Variants in SNX13 observed in about 807,000 individuals in gnomAD.
The protein encoded by SNX13 is sorting nexin 13.
A neutral mutation model predicts 133.6 loss-of-function variants in SNX13; 45 were observed. The observed-to-expected ratio is 0.34, with a 90% CI of 0.27 to 0.43. SNX13 has a LOEUF of 0.43. SNX13 is among the 20% of genes least tolerant of loss of function. SNX13 has a pLI of 1.00. For missense variants in SNX13, 1,032 were observed against 1,145.1 expected (o/e 0.90, Z 1.43); for synonymous variants, 414 against 373.9 (o/e 1.11, Z -1.24).
chr7:17,920,476 C>G (rs1036533300), intron 1 of SNX13, among the ~76,000 whole-genome samples: 3 of 151,988 alleles, frequency 2.0e-5, no homozygotes, highest in African/African-American at 7.3e-5. Context: ...TAAAAGCTTT[C>G]TTTAATTGTA....
Position 17,839,909 on chromosome 7 carries a change from A to G in SNX13, c.1257T>C (p.Val419=), listed in dbSNP as rs371256565. ...TTCCATCTCTCTGACGACTTAATAAAACTTCTAGCTGCTGTTGGGCGGTAA... is the reference window on the plus strand; with the variant it reads ...TTCCATCTCTCTGACGACTTAATAAGACTTCTAGCTGCTGTTGGGCGGTAA... ...YRVTAQQQLE[V]LLSRQRDGKH... Residue 419 remains valine (V), a synonymous_variant, in exon 13 of 26, where the codon GTT becomes GTC. Coordinates refer to ENST00000428135, the MANE Select transcript of SNX13 (RefSeq NM_015132.5). 6.3e-5 allele frequency: 101 copies of G among 1,611,964 alleles called. No individual in the cohort carries two copies. Among genetic ancestry groups the G allele is most frequent in the Non-Finnish European group, 8.3e-5 (98 of 1,178,736 alleles).
At chr7:17,883,400 G>A (rs1190537817) in intron 5 of SNX13, among the ~76,000 whole-genome samples, 1 of 152,130 alleles carries the variant, frequency 6.6e-6, no homozygotes, top group African/African-American at 2.4e-5. Context: ...TTAAACTCAT[G>A]ATGTTAACTA....
chr7:17,848,247 C>T (rs1424888487), intron 11 of SNX13, among the ~76,000 whole-genome samples: 1 of 152,178 alleles, frequency 6.6e-6, no homozygotes, highest in African/African-American at 2.4e-5. Context: ...GGAAGATTAC[C>T]TACCCGCCCC....
intron 1 of SNX13, among the ~76,000 whole-genome samples, chr7:17,903,685 T>C (rs1344106526): frequency 6.6e-6 from 1 of 152,226 alleles, no homozygotes; most frequent in African/African-American, 2.4e-5. Context: ...CAGGGTAAGA[T>C]CTGATACTAA....
intron 20 of SNX13, among the ~76,000 whole-genome samples, chr7:17,806,038 G>T (rs565162868): frequency 2.0e-5 from 3 of 152,316 alleles, no homozygotes; most frequent in Non-Finnish European, 4.4e-5. Context: ...ACTTTCAGAT[G>T]ATCATGCACA....
chr7:17,818,717 A>C (rs1179496662), intron 18 of SNX13, among the ~76,000 whole-genome samples: 1 of 152,208 alleles, frequency 6.6e-6, no homozygotes, highest in Non-Finnish European at 1.5e-5. Context: ...TAATTCAAAT[A>C]CTACACATAA....
At chr7:17,824,377 A>G (rs1029349517) in intron 17 of SNX13, among the ~76,000 whole-genome samples, 2 of 152,188 alleles carry the variant, frequency 1.3e-5, no homozygotes, top group African/African-American at 4.8e-5. Context: ...ACTTTCTGAA[A>G]TAAAGATGCT....
chr7:17,859,217 G>A (rs1194232750), intron 9 of SNX13, among the ~76,000 whole-genome samples: 1 of 151,886 alleles, frequency 6.6e-6, no homozygotes, highest in African/African-American at 2.4e-5. Context: ...CTTCTATGTA[G>A]AATATACGAA....
chr7:17,927,231 G>GTA (rs915143471), intron 1 of SNX13, among the ~76,000 whole-genome samples: 323 of 148,712 alleles, frequency 2.2e-3, no homozygotes, highest in African/African-American at 5.2e-3. Context: ...GTGCATGTGT[G>GTA]TATATATATA....
At chr7:17,882,782 A>C (rs1288518455) in intron 5 of SNX13, 1 of 1,205,940 alleles carries the variant, frequency 8.3e-7, no homozygotes, top group African/African-American at 1.6e-5. Context: ...TCAAATCACT[A>C]CCACAATTCC....
chr7:17,796,490 C>A (rs1351232234), intron 25 of SNX13: 4 of 185,914 alleles, frequency 2.2e-5, no homozygotes, highest in Non-Finnish European at 4.5e-5. Context: ...GGCAGCAGAG[C>A]GAAGTGGCTA....
chr7:17,883,636 C>A (rs1455645931), intron 5 of SNX13, among the ~76,000 whole-genome samples: 3 of 152,036 alleles, frequency 2.0e-5, no homozygotes, highest in Non-Finnish European at 2.9e-5. Context: ...CAGGTATACA[C>A]GTGCCATGGT....
intron 9 of SNX13, among the ~76,000 whole-genome samples, chr7:17,866,926 G>C (rs2128343118): frequency 6.6e-6 from 1 of 152,186 alleles, no homozygotes; most frequent in South Asian, 2.1e-4. Context: ...ATCCTGATTT[G>C]AACATTATAC....
At chr7:17,831,424 A>T in intron 15 of SNX13, 1 of 890,768 alleles carries the variant, frequency 1.1e-6, no homozygotes, top group Non-Finnish European at 1.3e-6. Flanking sequence ...GAAAGTAATA[A>T]TGAATAAAGA....
intron 20 of SNX13, 117 bp from the exon 21 acceptor site, chr7:17,803,697 A>C: frequency 1.1e-6 from 1 of 877,838 alleles, no homozygotes; most frequent in South Asian, 2.2e-5. Flanking sequence ...TTTCTGGTCT[A>C]TATTATGTCG....
At chr7:17,865,296 A>G (rs1235669922) in intron 9 of SNX13, among the ~76,000 whole-genome samples, 1 of 152,248 alleles carries the variant, frequency 6.6e-6, no homozygotes, top group African/African-American at 2.4e-5. Flanking sequence ...CAAATTTAGT[A>G]AAGCTTCAAG....
chr7:17,874,775 C>T (rs1056835066), intron 7 of SNX13, among the ~76,000 whole-genome samples: 7 of 152,106 alleles, frequency 4.6e-5, no homozygotes, highest in African/African-American at 1.7e-4. Flanking sequence ...GGGAAGATAA[C>T]GTCCTCAGCT....
At chr7:17,877,045 GAAAAAAAAAAAAA>G (rs57618763) in intron 5 of SNX13, among the ~76,000 whole-genome samples, 2 of 60,070 alleles carry the variant, frequency 3.3e-5, no homozygotes, top group Non-Finnish European at 7.2e-5. Context: ...GTTACTTTTT[GAAAAAAAAAAAAA>G]AAAAAAAAAA....
chr7:17,893,261 T>C (rs1351716506), intron 3 of SNX13, 71 bp downstream of exon 3: 2 of 1,039,228 alleles, frequency 1.9e-6, no homozygotes, highest in South Asian at 1.5e-5. Context: ...ACGCTATATA[T>C]ACAGATGATT....
Sources: allele counts gnomAD v4.1 joint callset (sites outside exome capture counted in the v4.1 genomes callset), GRCh38; gene constraint gnomAD v4.1.1; transcripts MANE v1.5; gene names NCBI Gene and HGNC (gene_info 2026-07-23, HGNC 2026-07-21).